The following GPATCH8 variants were observed in gnomAD, a reference collection of about 807,000 sequenced individuals.
GPATCH8 encodes G patch domain-containing protein 8.
GPATCH8 carries 18 observed loss-of-function variants against 118.3 expected under a neutral mutation model. That is an observed-to-expected ratio of 0.15 (90% CI 0.11 to 0.23). GPATCH8 has a LOEUF of 0.23. Among genes scored for constraint, GPATCH8 ranks in the 10% least tolerant of loss-of-function variants. The pLI, the probability that GPATCH8 is intolerant of heterozygous loss-of-function variation, is 1.00. For synonymous variants in GPATCH8, 659 were observed against 684.7 expected (o/e 0.96, Z 0.59); for missense variants, 1,631 against 1,873.8 (o/e 0.87, Z 2.39).
intron 2 of GPATCH8, chr17:44,465,946 T>C (rs1420452841): frequency 6.6e-6 from 1 of 152,226 alleles, no homozygotes; most frequent in Non-Finnish European, 1.5e-5. Flanking sequence ...CATTTTCTTC[T>C]GTAAGTTTAT....
chr17:44,395,540 G>T lies in GPATCH8; in HGVS notation c.*2028C>A, dbSNP rs765355306. 8.4e-5 allele frequency: 38 copies of T among 454,294 alleles called. No homozygotes were observed. Among genetic ancestry groups the T allele is most frequent in the Non-Finnish European group, 1.6e-4 (37 of 226,796 alleles). 28.1% of individuals were successfully genotyped at this position (454,294 alleles called of 1,614,324 possible). A position where few individuals can be genotyped will look rare whatever the true frequency, so the allele number is the denominator to read the frequency against. ...TTAATACTGTATTATTTATTTACATGGGCTGAAAGCAAAGAAAAATGAGTC... is the reference window on the plus strand; with the variant it reads ...TTAATACTGTATTATTTATTTACATTGGCTGAAAGCAAAGAAAAATGAGTC... On this transcript the variant is annotated 3_prime_UTR_variant, in exon 8 of 8. Coordinates refer to ENST00000591680, the MANE Select transcript of GPATCH8 (RefSeq NM_001002909.4).
At position 44,399,501 on chromosome 17, in the gene GPATCH8, C is replaced by A. The variant is rs775882631; in HGVS notation, c.2576G>T (p.Arg859Leu). 18 of 1,614,058 alleles carry A rather than the reference C, an allele frequency of 1.1e-5. No individual in the cohort carries two copies. Among genetic ancestry groups the A allele is most frequent in the Non-Finnish European group, 1.4e-5 (17 of 1,180,036 alleles). ...HSRSRSRSGRRHSSHRSSRRS... is the reference protein window; with the variant it reads ...HSRSRSRSGRLHSSHRSSRRS... The stretch of plus-strand genomic sequence containing the variant: ...CCGGGAGGAACGATGCGAGGAATGG[C>A]GCCGGCCAGACCTTGAGCGGCTGCG... The change falls in exon 8 of 8, where the codon CGC becomes CTC. Residue 859 changes from arginine to leucine, a missense_variant. This residue lies in a region of GPATCH8 where 922 missense variants were observed against 879.7 expected (regional missense o/e 1.05). Coordinates refer to ENST00000591680, the MANE Select transcript of GPATCH8 (RefSeq NM_001002909.4).
rs1375848212 is a variant in GPATCH8, at chr17:44,397,937, T to C, written c.4140A>G (p.Leu1380=). 6.2e-7 allele frequency: 1 copy of C among 1,613,636 alleles called. No homozygotes were observed. Among genetic ancestry groups the C allele is most frequent in the Non-Finnish European group, 8.5e-7 (1 of 1,179,660 alleles). The change falls in exon 8 of 8, where the codon CTA becomes CTG. Residue 1380 remains leucine, a synonymous_variant. Transcript: ENST00000591680. ...TSITTVQHAI[L]QHHAAAAAAA... ...CAGCAGCTGCGGCAGCATGATGTTG[T>C]AGGATGGCATGCTGAACAGTTGTGA...
rs138257799 is a variant in GPATCH8 at position 44,489,871 on chromosome 17, G to A, written c.45+13455C>T. On this transcript the variant is annotated intron_variant, in intron 1 of 7. Coordinates refer to ENST00000591680, the MANE Select transcript of GPATCH8 (RefSeq NM_001002909.4). The stretch of plus-strand genomic sequence containing the variant: ...TCTTTCTAAAAACATTCAGTATGGC[G>A]TCTGATTATCTGAAGGCCTCAACAG... 1.8e-4 allele frequency among the ~76,000 whole-genome samples: 27 copies of A among 152,188 alleles called. 1 individual carries two copies. In the East Asian group the frequency reaches 3.9e-3, roughly 22 times the overall value.
intron 2 of GPATCH8, among the ~76,000 whole-genome samples, chr17:44,470,338 C>T (rs1967179528): frequency 6.6e-6 from 1 of 151,708 alleles, no homozygotes. Context: ...GCTGGGACTA[C>T]AGGCGTGTGC....
intron 3 of GPATCH8, among the ~76,000 whole-genome samples, chr17:44,451,319 C>CT (rs1349516700): frequency 6.6e-6 from 1 of 152,058 alleles, no homozygotes; most frequent in Admixed American, 6.6e-5. Flanking sequence ...TCTTGAACTC[C>CT]TAGCCTCAAG....
At chr17:44,436,569 G>A (rs780338732) in intron 3 of GPATCH8, 24 bp from the exon 4 acceptor site, 3 of 1,223,480 alleles carry the variant, frequency 2.5e-6, no homozygotes, top group East Asian at 4.6e-5. Context: ...ACATAATCAA[G>A]GTAAGGTGCA....
At chr17:44,477,655 AAAG>A in intron 1 of GPATCH8, among the ~76,000 whole-genome samples, 1 of 152,308 alleles carries the variant, frequency 6.6e-6, no homozygotes, top group East Asian at 1.9e-4. Flanking sequence ...AAGGGAAAAA[AAAG>A]AAGAAAAATG....
intron 3 of GPATCH8, among the ~76,000 whole-genome samples, chr17:44,461,814 C>G (rs1001823142): frequency 6.6e-6 from 1 of 151,724 alleles, no homozygotes; most frequent in African/African-American, 2.4e-5. Context: ...CTACCTTAAA[C>G]CTCTTAACTG....
chr17:44,397,718 G>A lies in GPATCH8; in HGVS notation c.4359C>T (p.Thr1453=), dbSNP rs760070310. 6.2e-7 allele frequency: 1 copy of A among 1,607,316 alleles called. No individual in the cohort carries two copies. The highest frequency in any genetic ancestry group is 8.5e-7 in the Non-Finnish European group (1 of 1,175,708). The change falls in exon 8 of 8, where the codon ACC becomes ACT. Residue 1453 remains threonine (T), a synonymous_variant. Transcript: ENST00000591680. ...GGGCAGCATGTGGGACAGGGTGAAA[G>A]GTGAAGGGCCCAGGATGGATGGCTG... ...PASAIHPGPF[T]FHPVPHAALY... is the part of the protein sequence containing the mutation.
intron 1 of GPATCH8, among the ~76,000 whole-genome samples, chr17:44,479,249 T>C (rs1408301479): frequency 6.6e-6 from 1 of 152,236 alleles, no homozygotes; most frequent in Non-Finnish European, 1.5e-5. Context: ...AGCAAAATCA[T>C]CTTTTAATCT....
intron 5 of GPATCH8, among the ~76,000 whole-genome samples, chr17:44,430,774 C>T (rs1026861727): frequency 1.3e-5 from 2 of 151,004 alleles, no homozygotes; most frequent in African/African-American, 4.9e-5. Context: ...TCCTGAGTAG[C>T]TCGGATTACA....
chr17:44,405,806 A>G, intron 7 of GPATCH8, 115 bp downstream of exon 7: 1 of 859,896 alleles, frequency 1.2e-6, no homozygotes, highest in East Asian at 2.9e-5. Context: ...GCCTGGCACA[A>G]GGTTTTTAAT....
chr17:44,423,101 C>A (rs2049972423), intron 6 of GPATCH8, among the ~76,000 whole-genome samples: 1 of 151,924 alleles, frequency 6.6e-6, no homozygotes, highest in Non-Finnish European at 1.5e-5. Flanking sequence ...ATTAGCTGGG[C>A]ATGGTGGCAG....
intron 1 of GPATCH8, among the ~76,000 whole-genome samples, chr17:44,490,147 AT>A (rs1445032514): frequency 6.6e-6 from 1 of 151,962 alleles, no homozygotes; most frequent in African/African-American, 2.4e-5. Context: ...ATTTTTTTTA[AT>A]TTTTGTAAAA....
At position 44,489,880 on chromosome 17, in the gene GPATCH8, T is replaced by C. The variant is rs181591460; in HGVS notation, c.45+13446A>G. Reference sequence around the variant, plus strand: ...AAACATTCAGTATGGCGTCTGATTATCTGAAGGCCTCAACAGGATCTGAAA... The same window carrying C: ...AAACATTCAGTATGGCGTCTGATTACCTGAAGGCCTCAACAGGATCTGAAA... On this transcript the variant is annotated intron_variant, in intron 1 of 7. Coordinates refer to ENST00000591680, the MANE Select transcript of GPATCH8 (RefSeq NM_001002909.4). 2.0e-5 allele frequency among the ~76,000 whole-genome samples: 3 copies of C among 152,322 alleles called. No individual in the cohort carries two copies. The East Asian group carries it at 5.8e-4, about 29-fold the overall frequency.
chr17:44,485,038 C>T (rs1201051707), intron 1 of GPATCH8, among the ~76,000 whole-genome samples: 2 of 151,942 alleles, frequency 1.3e-5, no homozygotes, highest in African/African-American at 4.8e-5. Flanking sequence ...TGGTCTCGAA[C>T]TCCTGAGCTC....
At position 44,395,489 on chromosome 17, in the gene GPATCH8, A is replaced by G. The variant is rs901790366; in HGVS notation, c.*2079T>C. 4.6e-5 allele frequency: 21 copies of G among 454,416 alleles called. No homozygotes were observed. Among genetic ancestry groups the G allele is most frequent in the Non-Finnish European group, 8.8e-5 (20 of 226,796 alleles). The allele number at this position is 454,416 out of a possible 1,614,324, so 28.1% of individuals were successfully genotyped here. On this transcript the variant is annotated 3_prime_UTR_variant, in exon 8 of 8. Coordinates refer to ENST00000591680, the MANE Select transcript of GPATCH8 (RefSeq NM_001002909.4). Reference sequence around the variant, plus strand: ...CAGCCAGAGTATGGCTCAATCTACAAGCTAATGGGAAGCAGCACGAAAATG... The same window carrying G: ...CAGCCAGAGTATGGCTCAATCTACAGGCTAATGGGAAGCAGCACGAAAATG...
At position 44,399,061 on chromosome 17, in the gene GPATCH8, T is replaced by A. The variant is rs2048897087; in HGVS notation, c.3016A>T (p.Arg1006Trp). 6.2e-7 allele frequency: 1 copy of A among 1,614,132 alleles called. No individual in the cohort carries two copies. Residue 1006 changes from arginine to tryptophan, a missense_variant, in exon 8 of 8, where the codon AGG (arginine) becomes TGG (tryptophan). Transcript: ENST00000591680. ...TRSPSQRSGSRKRSWGHESPE... is the reference protein window; with the variant it reads ...TRSPSQRSGSWKRSWGHESPE... ...CTCTCGTGACCCCATGATCTCTTCC[T>A]GGAGCCTGATCTCTGGGAAGGGCTC...
Sources: gnomAD v4.1 joint callset for allele counts (sites outside exome capture counted in the v4.1 genomes callset) on GRCh38, gnomAD v4.1.1 for gene constraint, gnomAD v4.1.1 regional missense constraint, MANE v1.5 for transcripts, NCBI Gene and HGNC (gene_info 2026-07-23, HGNC 2026-07-21) for gene names.